DISP3: variants seen among roughly 807,000 people sequenced by gnomAD.
DISP3 encodes the protein dispatched RND transporter family member 3, also known as protein dispatched homolog 3.
Under a neutral mutation model 135.3 loss-of-function variants are expected in DISP3, and 101 were observed. The ratio of observed to expected loss-of-function variants is 0.75; its 90% CI spans 0.64 to 0.88. The LOEUF is 0.88. Among genes scored for constraint, DISP3 ranks in the 40% least tolerant of loss-of-function variants. DISP3 has a pLI of 0.00. For synonymous variants in DISP3, 856 were observed against 817.0 expected, an observed-to-expected ratio of 1.05 and a Z score of -0.81; for missense variants, 1,713 against 1,878.6, an observed-to-expected ratio of 0.91 and a Z score of 1.63.
chr1:11,484,690 T>C (rs1640989018), intron 1 of DISP3, among the ~76,000 whole-genome samples: 1 of 152,276 alleles, frequency 6.6e-6, no homozygotes, highest in African/African-American at 2.4e-5. Flanking sequence ...AACCTGCCAG[T>C]TTGGAAAAGG....
intron 10 of DISP3, among the ~76,000 whole-genome samples, chr1:11,522,079 A>C (rs1642212151): frequency 1.3e-5 from 2 of 151,998 alleles, no homozygotes; most frequent in Admixed American, 1.3e-4. Context: ...GGGAGTCGGG[A>C]ATGAGCCAGG....
rs1641528777 is a variant in DISP3 at position 11,501,665 on chromosome 1, C to A, written c.673C>A (p.Arg225=). ...ANQSEDPRNQ[R]LSKNGRYQPS... The stretch of plus-strand genomic sequence containing the variant: ...CCAGAGTGAAGACCCGCGAAACCAG[C>A]GGCTGAGCAAGAATGGGCGGTACCA... Residue 225 remains arginine (R), a synonymous_variant, in exon 2 of 21, where the codon CGG becomes AGG. Transcript: ENST00000294484. This position sits in a 1 kb window ranked among gnomAD's most constrained non-coding sequence, Gnocchi z 4.9. The A allele has an allele frequency of 1.2e-6, 2 of 1,607,908 alleles. No homozygotes were observed. The highest frequency in any genetic ancestry group is 1.7e-4 in the Middle Eastern group (1 of 6,052).
At chr1:11,484,988 A>C (rs1640996177) in intron 1 of DISP3, among the ~76,000 whole-genome samples, 1 of 152,122 alleles carries the variant, frequency 6.6e-6, no homozygotes, top group Admixed American at 6.5e-5. Flanking sequence ...GGTTGGTGCA[A>C]AAGTATAATT....
At chr1:11,534,759 C>G in intron 18 of DISP3, 1 of 776,658 alleles carries the variant, frequency 1.3e-6, no homozygotes, top group Non-Finnish European at 2.1e-6. Context: ...CTTTGGCCAC[C>G]TAAAAAGTAA....
chr1:11,530,012 CA>C (rs1194004974), intron 15 of DISP3, 53 bp downstream of exon 15: 6 of 1,585,216 alleles, frequency 3.8e-6, no homozygotes, highest in Non-Finnish European at 4.3e-6. Flanking sequence ...AACAGTCTTG[CA>C]AATAAGCACC....
chr1:11,514,375 C>A lies in DISP3; in HGVS notation c.1317-15C>A. ...CTTCCTGTCATTCTTTTCTCCACGT[C>A]CTCCCTTCCCCCAGCAAAGTCCAGG... On this transcript the variant is annotated splice_polypyrimidine_tract_variant and intron_variant, in intron 3 of 20. Coordinates refer to ENST00000294484, the MANE Select transcript of DISP3 (RefSeq NM_020780.2). The A allele has an allele frequency of 6.2e-7, 1 of 1,602,010 alleles. No individual in the cohort carries two copies. The highest frequency in any genetic ancestry group is 8.6e-7 in the Non-Finnish European group (1 of 1,169,186).
intron 3 of DISP3, among the ~76,000 whole-genome samples, chr1:11,504,760 A>T (rs1479656438): frequency 6.6e-6 from 1 of 152,120 alleles, no homozygotes; most frequent in East Asian, 1.9e-4. Flanking sequence ...AAAAGCCTTC[A>T]CCAGAAGCCA....
Position 11,533,908 on chromosome 1 carries a change from C to G in DISP3, c.3376-473C>G, listed in dbSNP as rs1177412501. The G allele has an allele frequency of 5.2e-5, 37 of 714,204 alleles. No homozygotes were observed. In the East Asian group the frequency reaches 9.4e-4, roughly 18 times the overall value. 44.2% of individuals were successfully genotyped at this position (714,204 alleles called of 1,614,324 possible). A position where few individuals can be genotyped will look rare whatever the true frequency, so the allele number is the denominator to read the frequency against. On this transcript the variant is annotated intron_variant, in intron 17 of 20. Transcript: ENST00000294484. Reference sequence around the variant, plus strand: ...TGTGGGCCAGCCAGGCTGCTCCTGCCCTTGCAATTCACAGTCCCACCTGCC... The same window carrying G: ...TGTGGGCCAGCCAGGCTGCTCCTGCGCTTGCAATTCACAGTCCCACCTGCC...
rs759526963 is a variant in DISP3 at position 11,501,671 on chromosome 1, A to T, written c.679A>T (p.Ser227Cys). 2.5e-6 allele frequency: 4 copies of T among 1,607,668 alleles called. No individual in the cohort carries two copies. The highest frequency in any genetic ancestry group is 3.4e-6 in the Non-Finnish European group (4 of 1,177,822). ...TGAAGACCCGCGAAACCAGCGGCTGAGCAAGAATGGGCGGTACCAGCCCAG... is the reference window on the plus strand; with the variant it reads ...TGAAGACCCGCGAAACCAGCGGCTGTGCAAGAATGGGCGGTACCAGCCCAG... ...QSEDPRNQRL[S>C]KNGRYQPSIP... Residue 227 changes from serine (S) to cysteine (C), a missense_variant, in exon 2 of 21, where the codon AGC becomes TGC. Physicochemically the swap from Ser to Cys is moderately radical, Grantham distance 112. Around this residue, in one of 2 missense-constraint regions of DISP3, gnomAD observed 571 missense variants for 494.1 expected, o/e 1.16. Transcript: ENST00000294484. This position sits in a 1 kb window ranked among gnomAD's most constrained non-coding sequence, Gnocchi z 4.9.
chr1:11,519,652 G>T lies in DISP3; in HGVS notation c.2039-67G>T. ...CCTCACCAGGCATCTGGGCTTCCCT[G>T]GAAGCGAGCGTGGACCACAGTGGGC... On this transcript the variant is annotated intron_variant, in intron 8 of 20. Transcript: ENST00000294484. The surrounding 1 kb of genome is among the most constrained non-coding windows in gnomAD (Gnocchi z 4.3). 1 of 1,580,624 alleles carries T rather than the reference G, an allele frequency of 6.3e-7. No homozygotes were observed.
At chr1:11,515,555 C>T in intron 5 of DISP3, 52 bp downstream of exon 5, 1 of 1,555,184 alleles carries the variant, frequency 6.4e-7, no homozygotes, top group Non-Finnish European at 8.7e-7. Flanking sequence ...GGAAGTCTGC[C>T]CCATCCCCTT....
chr1:11,531,162 T>A lies in DISP3; in HGVS notation c.3229+129T>A, dbSNP rs1642566718. 7.0e-7 allele frequency: 1 copy of A among 1,426,492 alleles called. No individual in the cohort carries two copies. The highest frequency in any genetic ancestry group is 1.4e-5 in the African/African-American group (1 of 71,148). 88.4% of individuals were successfully genotyped at this position (1,426,492 alleles called of 1,614,324 possible). ...CATGTGGGGGTCTTTTGCAGATGTG[T>A]ATCTGTGCTGAGCATGTCCACACCA... On this transcript the variant is annotated intron_variant, in intron 16 of 20. Coordinates refer to ENST00000294484, the MANE Select transcript of DISP3 (RefSeq NM_020780.2). This position sits in a 1 kb window ranked among gnomAD's most constrained non-coding sequence, Gnocchi z 5.2.
chr1:11,497,451 C>T (rs1277238558), intron 1 of DISP3, among the ~76,000 whole-genome samples: 2 of 151,458 alleles, frequency 1.3e-5, no homozygotes, highest in Non-Finnish European at 2.9e-5. Context: ...TGCAGTGGTG[C>T]GATCTGGGCT....
At chr1:11,487,788 T>C (rs1186715962) in intron 1 of DISP3, among the ~76,000 whole-genome samples, 2 of 152,192 alleles carry the variant, frequency 1.3e-5, no homozygotes, top group African/African-American at 4.8e-5. Flanking sequence ...GGGATGTCTC[T>C]GGCTTCTGGC....
intron 3 of DISP3, among the ~76,000 whole-genome samples, chr1:11,503,523 C>T (rs185670961): frequency 2.0e-5 from 3 of 152,186 alleles, no homozygotes; most frequent in South Asian, 2.1e-4. Context: ...GGCCAGAGAG[C>T]GTAGAGTTTT....
chr1:11,526,562 G>C, intron 12 of DISP3, 89 bp from the exon 13 acceptor site: 2 of 1,414,642 alleles, frequency 1.4e-6, no homozygotes, highest in Non-Finnish European at 2.0e-6. Context: ...GAACTATGCC[G>C]AGGAGGGAGG....
rs901699621 is a variant in DISP3 at position 11,537,419 on chromosome 1, A to T, written c.*733A>T. ...TCTGGGGCTCAGCACAGCTTTCCTCATGGATCTAAGCCCCTGTCTTTCCCA... is the reference window on the plus strand; with the variant it reads ...TCTGGGGCTCAGCACAGCTTTCCTCTTGGATCTAAGCCCCTGTCTTTCCCA... On this transcript the variant is annotated 3_prime_UTR_variant, in exon 21 of 21. Transcript: ENST00000294484. 2.0e-5 allele frequency: 3 copies of T among 152,238 alleles called. No individual in the cohort carries two copies. The highest frequency in any genetic ancestry group is 7.2e-5 in the African/African-American group (3 of 41,414). 9.4% of individuals were successfully genotyped at this position (152,238 alleles called of 1,614,324 possible).
In DISP3 at chr1:11,531,916, CAT is replaced by C. The variant is rs924810445; in HGVS notation, c.3375+207_3375+208del. Among the ~76,000 whole-genome samples, 23 of 152,244 alleles carry C rather than the reference CAT, an allele frequency of 1.5e-4. No homozygotes were observed. The highest frequency in any genetic ancestry group is 5.5e-4 in the African/African-American group (23 of 41,460). On this transcript the variant is annotated intron_variant, in intron 17 of 20. Coordinates refer to ENST00000294484, the MANE Select transcript of DISP3 (RefSeq NM_020780.2). This position sits in a 1 kb window ranked among gnomAD's most constrained non-coding sequence, Gnocchi z 5.2. ...CTGCAGAGCTCTGCCCTTTCTTCCCCATGGGCGGCCTGCCAGTTCCCTTCCAC... is the reference window on the plus strand; with the variant it reads ...CTGCAGAGCTCTGCCCTTTCTTCCCCGGGCGGCCTGCCAGTTCCCTTCCAC...
chr1:11,502,068 A>G lies in DISP3; in HGVS notation c.1076A>G (p.Gln359Arg). Reference protein sequence around the residue: ...GGKIYYDGMGQDLADIRGSLE... With the variant: ...GGKIYYDGMGRDLADIRGSLE... ...AAGATCTACTATGACGGCATGGGCC[A>G]GGACCTGGCGGACATCCGGGGTGAG... Residue 359 changes from glutamine (Q) to arginine (R), a missense_variant, in exon 2 of 21, where the codon CAG (glutamine) becomes CGG (arginine). Coordinates refer to ENST00000294484, the MANE Select transcript of DISP3 (RefSeq NM_020780.2). 3 of 1,570,828 alleles carry G rather than the reference A, an allele frequency of 1.9e-6. No individual in the cohort carries two copies. Among genetic ancestry groups the G allele is most frequent in the Non-Finnish European group, 2.6e-6 (3 of 1,157,214 alleles).
Sources: gnomAD v4.1 joint callset for allele counts (sites outside exome capture counted in the v4.1 genomes callset) on GRCh38, gnomAD v4.1.1 for gene constraint, gnomAD v4.1.1 regional missense constraint, Gnocchi (gnomAD v3.1) non-coding constraint, MANE v1.5 for transcripts, NCBI Gene and HGNC (gene_info 2026-07-23, HGNC 2026-07-21) for gene names.